Variants in PTPRG observed in about 807,000 individuals in gnomAD.
PTPRG encodes the protein receptor-type tyrosine-protein phosphatase gamma.
Under a neutral mutation model 165.3 loss-of-function variants are expected in PTPRG, and 102 were observed. The ratio of observed to expected loss-of-function variants is 0.62; its 90% CI spans 0.53 to 0.73. The LOEUF is 0.73. Ranked by LOEUF, PTPRG falls within the 30% of genes least tolerant of loss-of-function variation. PTPRG has a pLI of 0.00. For missense variants in PTPRG, 1,866 were observed against 1,861.4 expected (o/e 1.00, Z -0.05); for synonymous variants, 675 against 669.5 (o/e 1.01, Z -0.13).
intron 2 of PTPRG, among the ~76,000 whole-genome samples, chr3:61,851,611 A>G (rs2036966416): frequency 1.3e-5 from 2 of 152,180 alleles, no homozygotes; most frequent in Admixed American, 6.5e-5. Flanking sequence ...TCAGGTATCT[A>G]TTTTTATAGA....
intron 16 of PTPRG, among the ~76,000 whole-genome samples, chr3:62,261,565 G>C (rs969006691): frequency 1.3e-5 from 2 of 150,112 alleles, no homozygotes; most frequent in Admixed American, 1.3e-4. Context: ...CACTTTCCCA[G>C]AAAGGTGGAT....
chr3:61,776,266 A>G (rs975757200), intron 2 of PTPRG, among the ~76,000 whole-genome samples: 6 of 152,070 alleles, frequency 3.9e-5, no homozygotes, highest in Non-Finnish European at 8.8e-5. Flanking sequence ...GTCTTTGGTC[A>G]GTTTATTTCT....
At chr3:61,820,441 G>T (rs2035916573) in intron 2 of PTPRG, among the ~76,000 whole-genome samples, 1 of 152,038 alleles carries the variant, frequency 6.6e-6, no homozygotes, top group South Asian at 2.1e-4. Flanking sequence ...AAGGCCATCT[G>T]CTTTAAACAG....
At chr3:61,802,678 A>G (rs2035284819) in intron 2 of PTPRG, among the ~76,000 whole-genome samples, 1 of 152,076 alleles carries the variant, frequency 6.6e-6, no homozygotes, top group Admixed American at 6.5e-5. Flanking sequence ...AGTCCTGGGT[A>G]GAAATGCACA....
chr3:61,795,818 C>T (rs935238295), intron 2 of PTPRG, among the ~76,000 whole-genome samples: 2 of 151,954 alleles, frequency 1.3e-5, no homozygotes, highest in African/African-American at 4.8e-5. Context: ...TATACTGTGT[C>T]TCCCCACCCC....
At chr3:62,200,628 AAT>A (rs1467108444) in intron 10 of PTPRG, among the ~76,000 whole-genome samples, 2 of 152,136 alleles carry the variant, frequency 1.3e-5, no homozygotes, top group African/African-American at 4.8e-5. Context: ...TCTTAAAAAA[AAT>A]TTTTTTCTAA....
At chr3:61,602,961 G>A (rs529377940) in intron 1 of PTPRG, among the ~76,000 whole-genome samples, 27 of 152,248 alleles carry the variant, frequency 1.8e-4, no homozygotes, top group South Asian at 6.2e-4. Context: ...TCTGTGCTCC[G>A]GAGGTTGTAT....
At chr3:61,667,822 A>G (rs1020835813) in intron 1 of PTPRG, among the ~76,000 whole-genome samples, 6 of 151,638 alleles carry the variant, frequency 4.0e-5, no homozygotes, top group South Asian at 2.1e-4. Context: ...CAGTCTGGCT[A>G]CTAGTCTTTT....
chr3:62,012,378 G>C (rs917457318), intron 4 of PTPRG, among the ~76,000 whole-genome samples: 4 of 152,184 alleles, frequency 2.6e-5, no homozygotes, highest in Non-Finnish European at 5.9e-5. Flanking sequence ...GCAGTAGGTA[G>C]AAGTCATTTT....
chr3:62,016,819 C>G (rs947378824), intron 4 of PTPRG, among the ~76,000 whole-genome samples: 3 of 152,142 alleles, frequency 2.0e-5, no homozygotes, highest in Non-Finnish European at 4.4e-5. Flanking sequence ...CCCCACACTT[C>G]TCTCCACCCT....
intron 2 of PTPRG, among the ~76,000 whole-genome samples, chr3:61,880,992 A>C (rs1339501293): frequency 6.6e-6 from 1 of 150,638 alleles, no homozygotes; most frequent in Non-Finnish European, 1.5e-5. Flanking sequence ...AGCCCCTATT[A>C]ATCTTCATTC....
intron 1 of PTPRG, among the ~76,000 whole-genome samples, chr3:61,708,197 CAACTG>C (rs1407190764): frequency 1.3e-5 from 2 of 151,950 alleles, no homozygotes; most frequent in Non-Finnish European, 2.9e-5. Context: ...ACATCTCAGC[CAACTG>C]GTGATCTAAG....
rs149828608 is a variant in PTPRG, at chr3:61,613,685, T to C, written c.85+51313T>C. ...GTTTGTTAAGGGGGAAATGGTTATA[T>C]AAATTGAAGATGGTGTAGTCTCAAA... On this transcript the variant is annotated intron_variant, in intron 1 of 29. Transcript: ENST00000474889. 2.5e-3 allele frequency among the ~76,000 whole-genome samples: 381 copies of C among 152,328 alleles called. 1 individual carries two copies. The highest frequency in any genetic ancestry group is 8.8e-3 in the African/African-American group (368 of 41,584).
intron 8 of PTPRG, among the ~76,000 whole-genome samples, chr3:62,182,793 A>G (rs569770134): frequency 6.6e-6 from 1 of 152,224 alleles, no homozygotes; most frequent in East Asian, 1.9e-4. Flanking sequence ...AGTAGCTGGG[A>G]TTACAGGCAC....
At chr3:61,788,205 A>G (rs1393274736) in intron 2 of PTPRG, among the ~76,000 whole-genome samples, 1 of 152,086 alleles carries the variant, frequency 6.6e-6, no homozygotes, top group Non-Finnish European at 1.5e-5. Context: ...CAAAGCAGAG[A>G]TTCACTTTTC....
At chr3:62,048,840 G>C (rs1700378421) in intron 4 of PTPRG, among the ~76,000 whole-genome samples, 2 of 152,198 alleles carry the variant, frequency 1.3e-5, no homozygotes, top group South Asian at 4.1e-4. Flanking sequence ...GAGGAACAAA[G>C]CTGGAGAATA....
At chr3:61,696,649 G>A (rs189132469) in intron 1 of PTPRG, among the ~76,000 whole-genome samples, 2 of 152,322 alleles carry the variant, frequency 1.3e-5, no homozygotes, top group East Asian at 3.9e-4. Context: ...TACTTCAGTG[G>A]GTAGGTGCAT....
intron 1 of PTPRG, among the ~76,000 whole-genome samples, chr3:61,676,331 C>T (rs573984864): frequency 1.1e-4 from 16 of 151,304 alleles, no homozygotes; most frequent in African/African-American, 3.2e-4. Context: ...GTGGCGGGCA[C>T]GTGAAATCCC....
chr3:61,724,217 C>CAAAAAAA (rs1260061643), intron 1 of PTPRG, among the ~76,000 whole-genome samples: 14,271 of 127,846 alleles, frequency 0.11, 1,133 homozygotes, highest in East Asian at 0.19. Flanking sequence ...CTCCCATCTC[C>CAAAAAAA]AAAAAAAAAA....
Sources: gnomAD v4.1 joint callset for allele counts (sites outside exome capture counted in the v4.1 genomes callset) on GRCh38, gnomAD v4.1.1 for gene constraint, MANE v1.5 for transcripts, NCBI Gene and HGNC (gene_info 2026-07-23, HGNC 2026-07-21) for gene names.